NKD1: variants seen among roughly 807,000 people sequenced by gnomAD.
NKD1 encodes the protein protein naked cuticle homolog 1.
In NKD1, 21 loss-of-function variants were observed where a neutral mutation model predicts 56.0. The observed-to-expected ratio is 0.38, with a 90% CI of 0.27 to 0.54. The LOEUF (loss-of-function observed/expected upper bound fraction) is 0.54, where lower values mean the gene tolerates loss of function less well. Among genes scored for constraint, NKD1 ranks in the 20% least tolerant of loss-of-function variants. NKD1 has a pLI of 0.82. For missense variants in NKD1, 578 were observed against 642.7 expected (o/e 0.90, Z 1.09); for synonymous variants, 263 against 265.7 (o/e 0.99, Z 0.10).
In NKD1 at chr16:50,581,022, ATTTC is replaced by A. The variant is rs1961104819; in HGVS notation, c.193-27269_193-27266del. Among the ~76,000 whole-genome samples the A allele has an allele frequency of 2.0e-5, 3 of 152,208 alleles. No individual in the cohort carries two copies. In the South Asian group the frequency reaches 6.2e-4, roughly 31 times the overall value. Reference sequence around the variant, plus strand: ...GTTGTTTTCTGAAAAATTAGAGCATATTTCTTCATGGAGATGAAGAGTGTTTCCA... The same window carrying A: ...GTTGTTTTCTGAAAAATTAGAGCATATTCATGGAGATGAAGAGTGTTTCCA... On this transcript the variant is annotated intron_variant, in intron 3 of 9. Transcript: ENST00000268459.
chr16:50,551,334 T>A (rs1331223039), intron 3 of NKD1, among the ~76,000 whole-genome samples: 1 of 152,202 alleles, frequency 6.6e-6, no homozygotes, highest in Non-Finnish European at 1.5e-5. Flanking sequence ...CAGCATGGGA[T>A]GGTGCCTGTC....
intron 3 of NKD1, among the ~76,000 whole-genome samples, chr16:50,589,580 C>T (rs145990935): frequency 0.011 from 1,719 of 152,274 alleles, 30 homozygotes; most frequent in African/African-American, 0.039. Context: ...GGAGCCGCCC[C>T]GAGGGTTCAT....
At chr16:50,572,799 A>G in intron 3 of NKD1, 1 of 771,664 alleles carries the variant, frequency 1.3e-6, no homozygotes, top group Non-Finnish European at 1.6e-6. Context: ...GACAGATCCA[A>G]AGCCAGTTTC....
At chr16:50,597,430 A>G (rs1479102386) in intron 3 of NKD1, among the ~76,000 whole-genome samples, 3 of 152,174 alleles carry the variant, frequency 2.0e-5, no homozygotes, top group South Asian at 2.1e-4. Flanking sequence ...CGCTTTGGAA[A>G]AAGTTATTAT....
chr16:50,606,933 C>A, intron 3 of NKD1: 1 of 456,784 alleles, frequency 2.2e-6, no homozygotes. Flanking sequence ...GCATCCCTTT[C>A]CTGTCATCGT....
chr16:50,607,465 T>C lies in NKD1; in HGVS notation c.193-829T>C, dbSNP rs556848710. The C allele has an allele frequency of 4.9e-5, 8 of 163,224 alleles. No individual in the cohort carries two copies. In the East Asian group the frequency reaches 1.0e-3, roughly 21 times the overall value. 10.1% of individuals were successfully genotyped at this position (163,224 alleles called of 1,614,324 possible). A position where few individuals can be genotyped will look rare whatever the true frequency, so the allele number is the denominator to read the frequency against. The stretch of plus-strand genomic sequence containing the variant: ...TGAGTTTGGGCTTTTTTATTGCTTG[T>C]CATTTTGTGTTTTGAGAACCGCTAC... On this transcript the variant is annotated intron_variant, in intron 3 of 9. Coordinates refer to ENST00000268459, the MANE Select transcript of NKD1 (RefSeq NM_033119.5).
Position 50,630,891 on chromosome 16 carries a change from A to C in NKD1, c.676A>C (p.Lys226Gln), listed in dbSNP as rs778256069. 1.1e-5 allele frequency: 18 copies of C among 1,600,922 alleles called. No homozygotes were observed. Among genetic ancestry groups the C allele is most frequent in the Middle Eastern group, 1.7e-4 (1 of 6,044 alleles). The change falls in exon 8 of 10, where the codon AAG becomes CAG. Residue 226 changes from lysine to glutamine, a missense_variant. Lys to Gln is a moderately conservative substitution (Grantham distance 53). Coordinates refer to ENST00000268459, the MANE Select transcript of NKD1 (RefSeq NM_033119.5). Reference sequence around the variant, plus strand: ...TGAGGACCTGCGGAGCTGGGAGAAGAAGCAGCGAGCCCCGCTCAGGTATGT... The same window carrying C: ...TGAGGACCTGCGGAGCTGGGAGAAGCAGCAGCGAGCCCCGCTCAGGTATGT... ...PTEDLRSWEK[K>Q]QRAPLRFQGD...
rs138964473 is a variant in NKD1 at position 50,598,262 on chromosome 16, T to TGTGTGTGCGC, written c.193-10031_193-10030insTGTGTGCGCG. On this transcript the variant is annotated intron_variant, in intron 3 of 9. Transcript: ENST00000268459. The surrounding 1 kb of genome is among the most constrained non-coding windows in gnomAD (Gnocchi z 4.2). Reference sequence around the variant, plus strand: ...GTGTGTGTGTGTGTGTGTGTGTGTGTGCGCGCACACCTGTGCTCATGGACA... The same window carrying TGTGTGTGCGC: ...GTGTGTGTGTGTGTGTGTGTGTGTGTGTGTGTGCGCGCGCGCACACCTGTGCTCATGGACA... 1.6e-4 allele frequency among the ~76,000 whole-genome samples: 24 copies of TGTGTGTGCGC among 148,668 alleles called. 1 individual carries two copies. Among genetic ancestry groups the TGTGTGTGCGC allele is most frequent in the African/African-American group, 5.9e-4 (23 of 39,160 alleles).
At chr16:50,614,476 C>T (rs754387764) in intron 4 of NKD1, among the ~76,000 whole-genome samples, 8 of 152,330 alleles carry the variant, frequency 5.3e-5, no homozygotes, top group Non-Finnish European at 1.2e-4. Flanking sequence ...CTGGTGGCTT[C>T]TCCCCCACAG....
chr16:50,632,492 C>T lies in NKD1; in HGVS notation c.823+84C>T, dbSNP rs1962369555. 2.2e-6 allele frequency: 3 copies of T among 1,381,636 alleles called. No homozygotes were observed. Among genetic ancestry groups the T allele is most frequent in the East Asian group, 2.3e-5 (1 of 43,456 alleles). 85.6% of individuals were successfully genotyped at this position (1,381,636 alleles called of 1,614,324 possible). A position where few individuals can be genotyped will look rare whatever the true frequency, so the allele number is the denominator to read the frequency against. On this transcript the variant is annotated intron_variant, in intron 9 of 9. Transcript: ENST00000268459. The surrounding 1 kb of genome is among the most constrained non-coding windows in gnomAD (Gnocchi z 4.1). ...AGGCGGGCCGTGCGGGTGGTGTTCA[C>T]TGCTACCCCAGGCTTCGGTAAGACA... is the stretch of plus-strand genomic sequence containing the variant.
chr16:50,626,125 CA>C (rs1369184966), intron 6 of NKD1, among the ~76,000 whole-genome samples: 19 of 152,244 alleles, frequency 1.2e-4, no homozygotes, highest in Admixed American at 3.9e-4. Flanking sequence ...AGCCTCGTCC[CA>C]AACCTCTTCT....
At chr16:50,561,146 T>TGA (rs1960623096) in intron 3 of NKD1, among the ~76,000 whole-genome samples, 2 of 152,116 alleles carry the variant, frequency 1.3e-5, no homozygotes, top group Non-Finnish European at 2.9e-5. Flanking sequence ...ATGAAGAGGA[T>TGA]GAGCAGTCCC....
At chr16:50,600,916 G>A (rs1483399647) in intron 3 of NKD1, among the ~76,000 whole-genome samples, 1 of 152,234 alleles carries the variant, frequency 6.6e-6, no homozygotes, top group Non-Finnish European at 1.5e-5. Flanking sequence ...TCAGGCTGGG[G>A]TCCCCAGGAT....
intron 4 of NKD1, 152 bp downstream of exon 4, chr16:50,608,512 G>C: frequency 4.8e-6 from 3 of 620,944 alleles, no homozygotes; most frequent in East Asian, 3.0e-5. Flanking sequence ...TAGAGGGTGG[G>C]ATGGAGGAGA....
At chr16:50,558,006 G>A (rs958837797) in intron 3 of NKD1, 2 of 152,226 alleles carry the variant, frequency 1.3e-5, no homozygotes, top group Non-Finnish European at 2.9e-5. Flanking sequence ...GGGTGCCCCC[G>A]GGGAACACAC....
intron 3 of NKD1, among the ~76,000 whole-genome samples, chr16:50,590,489 C>T (rs1383914137): frequency 6.6e-6 from 1 of 152,106 alleles, no homozygotes; most frequent in Admixed American, 6.5e-5. Context: ...TTTATATTCA[C>T]CTTCATTTTT....
At chr16:50,580,591 T>C (rs1961096862) in intron 3 of NKD1, among the ~76,000 whole-genome samples, 1 of 152,250 alleles carries the variant, frequency 6.6e-6, no homozygotes, top group Non-Finnish European at 1.5e-5. Context: ...TTGGCAGAAA[T>C]TGCAACCTGG....
chr16:50,630,076 G>T, intron 6 of NKD1, 110 bp from the exon 7 acceptor site: 1 of 966,886 alleles, frequency 1.0e-6, no homozygotes, highest in Non-Finnish European at 1.6e-6. Flanking sequence ...GATCTGCTTT[G>T]GGGCAGCCAG....
At chr16:50,566,167 G>A (rs1332357118) in intron 3 of NKD1, 2 of 985,254 alleles carry the variant, frequency 2.0e-6, no homozygotes, top group Non-Finnish European at 2.4e-6. Flanking sequence ...GGATCCGTTG[G>A]GACCTTTTGG....
Sources: allele counts gnomAD v4.1 joint callset (sites outside exome capture counted in the v4.1 genomes callset), GRCh38; gene constraint gnomAD v4.1.1; non-coding constraint Gnocchi (gnomAD v3.1); transcripts MANE v1.5; gene names NCBI Gene and HGNC (gene_info 2026-07-23, HGNC 2026-07-21).